ADGRV1: variants seen among roughly 807,000 people sequenced by gnomAD.
ADGRV1 encodes the protein adhesion G protein-coupled receptor V1.
A neutral mutation model predicts 596.2 loss-of-function variants in ADGRV1; 359 were observed. The ratio of observed to expected loss-of-function variants is 0.60; its 90% CI spans 0.55 to 0.66. The LOEUF is 0.66. Ranked by LOEUF, ADGRV1 falls within the 30% of genes least tolerant of loss-of-function variation. The pLI, the probability that ADGRV1 is intolerant of heterozygous loss-of-function variation, is 0.00. For synonymous variants in ADGRV1, 2,681 were observed against 2,679.2 expected (o/e 1.00, Z -0.02); for missense variants, 7,274 against 7,575.6 (o/e 0.96, Z 1.48).
At chr5:91,040,324 T>C (rs890524532) in intron 85 of ADGRV1, among the ~76,000 whole-genome samples, 1 of 152,170 alleles carries the variant, frequency 6.6e-6, no homozygotes, top group African/African-American at 2.4e-5. Context: ...TCTTTTAAAA[T>C]AGAGTTCCTT....
intron 85 of ADGRV1, among the ~76,000 whole-genome samples, chr5:91,032,601 T>G (rs1407912045): frequency 6.6e-6 from 1 of 151,912 alleles, no homozygotes; most frequent in Non-Finnish European, 1.5e-5. Context: ...TATATTTTAC[T>G]AAGTCTCTTA....
chr5:91,066,989 G>A (rs541919451), intron 85 of ADGRV1, among the ~76,000 whole-genome samples: 1 of 152,238 alleles, frequency 6.6e-6, no homozygotes, highest in Non-Finnish European at 1.5e-5. Flanking sequence ...ACTCTCAGGG[G>A]CCTATTACTT....
chr5:91,138,049 G>C (rs1467535742), intron 87 of ADGRV1, among the ~76,000 whole-genome samples: 3 of 152,076 alleles, frequency 2.0e-5, no homozygotes, highest in Non-Finnish European at 4.4e-5. Context: ...GAGTGAAATG[G>C]GGTGATGCTA....
Position 90,704,394 on chromosome 5 carries a change from G to T in ADGRV1, c.8292G>T (p.Ser2764=), listed in dbSNP as rs778011573. The T allele has an allele frequency of 4.5e-6, 7 of 1,564,556 alleles. No homozygotes were observed. Among genetic ancestry groups the T allele is most frequent in the Non-Finnish European group, 6.1e-6 (7 of 1,151,038 alleles). Residue 2764 remains serine, a synonymous_variant, in exon 36 of 90, where the codon TCG becomes TCT. Transcript: ENST00000405460. Reference sequence around the variant, plus strand: ...TTTCTTTCTGTATGACATAGGGGTCGTTGAATACAACATTGTTTGTGCATT... The same window carrying T: ...TTTCTTTCTGTATGACATAGGGGTCTTTGAATACAACATTGTTTGTGCATT... ...FSGQLFFPEG[S]LNTTLFVHLL...
At chr5:90,753,517 C>G in intron 53 of ADGRV1, 57 bp from the exon 54 acceptor site, 4 of 1,275,440 alleles carry the variant, frequency 3.1e-6, no homozygotes, top group Non-Finnish European at 1.1e-6. Context: ...TTAAAATATT[C>G]TTACTACATA....
At chr5:90,565,757 A>T (rs971887227) in intron 1 of ADGRV1, among the ~76,000 whole-genome samples, 2 of 152,154 alleles carry the variant, frequency 1.3e-5, no homozygotes, top group African/African-American at 4.8e-5. Context: ...TTTTTGAAGA[A>T]TTTCCAGCTG....
At chr5:90,696,214 G>A (rs1747175616) in intron 33 of ADGRV1, among the ~76,000 whole-genome samples, 1 of 152,106 alleles carries the variant, frequency 6.6e-6, no homozygotes, top group African/African-American at 2.4e-5. Flanking sequence ...TAGGCTGAAT[G>A]GCAGAAAGTA....
At chr5:90,775,515 C>T (rs1198210913) in intron 60 of ADGRV1, among the ~76,000 whole-genome samples, 2 of 152,172 alleles carry the variant, frequency 1.3e-5, no homozygotes, top group African/African-American at 2.4e-5. Context: ...CTTGCTCTGT[C>T]ACCCAGGCTG....
chr5:90,728,904 A>G lies in ADGRV1; in HGVS notation c.10397A>G (p.Tyr3466Cys). 6.2e-7 allele frequency: 1 copy of G among 1,612,312 alleles called. No homozygotes were observed. The highest frequency in any genetic ancestry group is 8.5e-7 in the Non-Finnish European group (1 of 1,179,216). ...VEALSSANDI[Y>C]LIFAENVFLG... ...GCTTTGTCTTCAGCCAATGATATTTACCTAATATTTGCCGAAAATGTCTTT... is the reference window on the plus strand; with the variant it reads ...GCTTTGTCTTCAGCCAATGATATTTGCCTAATATTTGCCGAAAATGTCTTT... Residue 3466 changes from tyrosine to cysteine, a missense_variant, in exon 49 of 90, where the codon TAC becomes TGC. Transcript: ENST00000405460.
At chr5:91,056,724 C>A (rs1235978769) in intron 85 of ADGRV1, among the ~76,000 whole-genome samples, 1 of 152,138 alleles carries the variant, frequency 6.6e-6, no homozygotes, top group Non-Finnish European at 1.5e-5. Context: ...GGCTTCTTAT[C>A]TTCAAGGCTG....
chr5:90,876,374 A>G (rs987346973), intron 83 of ADGRV1, among the ~76,000 whole-genome samples: 3 of 152,168 alleles, frequency 2.0e-5, no homozygotes, highest in Admixed American at 2.0e-4. Flanking sequence ...TAGAAGGGCA[A>G]TATAAGCATT....
chr5:90,847,297 A>G (rs909980346), intron 78 of ADGRV1, among the ~76,000 whole-genome samples: 1 of 151,978 alleles, frequency 6.6e-6, no homozygotes, highest in African/African-American at 2.4e-5. Context: ...CAGAGTGCCT[A>G]TTGGTGCATT....
intron 21 of ADGRV1, among the ~76,000 whole-genome samples, chr5:90,669,147 A>G (rs1580674383): frequency 6.6e-6 from 1 of 152,256 alleles, no homozygotes; most frequent in East Asian, 1.9e-4. Context: ...GAGGAAGCTC[A>G]GGACTGCTTG....
chr5:90,685,639 T>TAAATAAATAAATAAAA (rs1179187076), intron 28 of ADGRV1, 141 bp from the exon 29 acceptor site: 2 of 259,220 alleles, frequency 7.7e-6, no homozygotes, highest in African/African-American at 4.9e-5. Context: ...AATAAATAAA[T>TAAATAAATAAATAAAA]AAAATAAATA....
chr5:90,591,450 T>C (rs1001123898), intron 1 of ADGRV1, among the ~76,000 whole-genome samples: 1 of 152,170 alleles, frequency 6.6e-6, no homozygotes, highest in Admixed American at 6.5e-5. Context: ...TCTGAAATTA[T>C]GTAAATATTA....
chr5:90,590,222 C>T (rs1364805643), intron 1 of ADGRV1, among the ~76,000 whole-genome samples: 1 of 152,164 alleles, frequency 6.6e-6, no homozygotes, highest in Non-Finnish European at 1.5e-5. Flanking sequence ...AACTTAGTGG[C>T]TTAAATTAAT....
At chr5:90,673,624 A>T (rs905763540) in intron 22 of ADGRV1, among the ~76,000 whole-genome samples, 3 of 152,112 alleles carry the variant, frequency 2.0e-5, no homozygotes, top group Admixed American at 6.6e-5. Context: ...CTTCAAAGAT[A>T]TGGTGCCTTC....
chr5:90,883,391 T>G (rs1717337733), intron 83 of ADGRV1, among the ~76,000 whole-genome samples: 1 of 152,188 alleles, frequency 6.6e-6, no homozygotes, highest in African/African-American at 2.4e-5. Context: ...TTCTTCCTAT[T>G]ACTTTAGTAG....
chr5:90,754,531 T>C (rs1471470046), intron 54 of ADGRV1, among the ~76,000 whole-genome samples: 1 of 152,226 alleles, frequency 6.6e-6, no homozygotes, highest in Non-Finnish European at 1.5e-5. Context: ...TTGAGCCTCC[T>C]GATAGGCACG....
Sources: gnomAD v4.1 joint callset for allele counts (sites outside exome capture counted in the v4.1 genomes callset) on GRCh38, gnomAD v4.1.1 for gene constraint, MANE v1.5 for transcripts, NCBI Gene and HGNC (gene_info 2026-07-23, HGNC 2026-07-21) for gene names.